Variants in NRK observed in about 807,000 individuals in gnomAD.
The protein encoded by NRK is Nik related kinase.
A neutral mutation model predicts 125.2 loss-of-function variants in NRK; 67 were observed. The ratio of observed to expected loss-of-function variants is 0.54; its 90% confidence interval spans 0.44 to 0.66. The LOEUF is 0.66. Ranked by LOEUF, NRK falls within the 30% of genes least tolerant of loss-of-function variation. The pLI is 0.00. For missense variants in NRK, 1,224 were observed against 1,192.9 expected, an observed-to-expected ratio of 1.03 and a Z score of -0.38; for synonymous variants, 458 against 429.0, an observed-to-expected ratio of 1.07 and a Z score of -0.84.
intron 24 of NRK, among the ~76,000 whole-genome samples, chrX:105,944,358 T>A (rs900066006): frequency 9.0e-6 from 1 of 111,418 alleles, no homozygotes; most frequent in African/African-American, 3.3e-5. Context: ...ACCTGGTTAA[T>A]TTTTTAATAT....
intron 2 of NRK, among the ~76,000 whole-genome samples, chrX:105,858,962 A>G (rs1458511418): frequency 9.0e-6 from 1 of 111,057 alleles, no homozygotes; most frequent in Admixed American, 9.6e-5. Context: ...ACTTTCTTTA[A>G]TTTCTGGGGA....
chrX:105,858,280 T>A, intron 2 of NRK, among the ~76,000 whole-genome samples: 1 of 110,538 alleles, frequency 9.0e-6, no homozygotes, highest in South Asian at 3.9e-4. Context: ...TGACTGCATG[T>A]GTTTGTCAAA....
chrX:105,846,437 A>C, intron 2 of NRK, among the ~76,000 whole-genome samples: 1 of 111,700 alleles, frequency 9.0e-6, no homozygotes, highest in Middle Eastern at 4.6e-3. Flanking sequence ...CCCTGCTCTT[A>C]ATTCTGTTAA....
At position 105,923,891 on chromosome X, in the gene NRK, CTATATA is replaced by C. The variant is rs1204761152; in HGVS notation, c.2975+439_2975+444del. On this transcript the variant is annotated intron_variant, in intron 18 of 28. Transcript: ENST00000243300. ...CATTTCTCAAACTTTTGTGATATCA[CTATATA>C]TATATATATATATATATATATATAT... Among the ~76,000 whole-genome samples, 371 of 47,833 alleles carry C rather than the reference CTATATA, an allele frequency of 7.8e-3. 5 individuals are homozygous for C. Among genetic ancestry groups the C allele is most frequent in the African/African-American group, 0.026 (322 of 12,527 alleles). The allele number at this position is 47,833 out of a possible 115,157, so 41.5% of individuals were successfully genotyped here. A position where few individuals can be genotyped will look rare whatever the true frequency, so the allele number is the denominator to read the frequency against.
rs2040244008 is a variant in NRK, at chrX:105,908,225, C to G, written c.1022-15C>G. ...GACTGTTTATGCATTATGTTTTTCT[C>G]TTTTGTAAAAAAAGGAATACCTTTG... On this transcript the variant is annotated splice_polypyrimidine_tract_variant and intron_variant, in intron 11 of 28. Coordinates refer to ENST00000243300, the MANE Select transcript of NRK (RefSeq NM_198465.4). The G allele has an allele frequency of 2.0e-6, 2 of 1,013,638 alleles. No homozygotes were observed. Among genetic ancestry groups the G allele is most frequent in the Non-Finnish European group, 2.7e-6 (2 of 745,117 alleles). The allele number at this position is 1,013,638 out of a possible 1,213,427, so 83.5% of individuals were successfully genotyped here.
intron 14 of NRK, among the ~76,000 whole-genome samples, chrX:105,913,960 G>A (rs2040334019): frequency 1.8e-5 from 2 of 110,568 alleles, no homozygotes; most frequent in African/African-American, 6.6e-5. Context: ...TGGTGAGGCC[G>A]GAGTTGTAGG....
Position 105,940,039 on chromosome X carries a change from C to G in NRK, c.3958+7C>G. 8.7e-7 allele frequency: 1 copy of G among 1,143,875 alleles called. No individual in the cohort carries two copies. Among genetic ancestry groups the G allele is most frequent in the African/African-American group, 1.8e-5 (1 of 56,104 alleles). The allele number at this position is 1,143,875 out of a possible 1,213,427, so 94.3% of individuals were successfully genotyped here. A position where few individuals can be genotyped will look rare whatever the true frequency, so the allele number is the denominator to read the frequency against. ...TGTGAACACTTCAGTGTCCGTAAGC[C>G]ACATTTCATGTTTACTACAGCTATA... On this transcript the variant is annotated splice_region_variant and intron_variant, in intron 23 of 28. Transcript: ENST00000243300.
intron 2 of NRK, among the ~76,000 whole-genome samples, chrX:105,865,492 T>C (rs2039656979): frequency 1.8e-5 from 2 of 111,066 alleles, no homozygotes; most frequent in African/African-American, 3.3e-5. Flanking sequence ...TTCCCAGGTG[T>C]GGGCTTAGAG....
chrX:105,913,772 A>C (rs1192069753), intron 14 of NRK, among the ~76,000 whole-genome samples: 6 of 111,596 alleles, frequency 5.4e-5, no homozygotes, highest in Non-Finnish European at 1.1e-4. Flanking sequence ...ACAAACACAA[A>C]TATTTTTCCT....
At chrX:105,895,215 G>T (rs1414905471) in intron 6 of NRK, 3 of 513,247 alleles carry the variant, frequency 5.8e-6, no homozygotes, top group South Asian at 2.5e-5. Context: ...TGGGTGTCCT[G>T]ATTTATTTTC....
rs750421352 is a variant in NRK, at chrX:105,922,093, T to C, written c.2610+32T>C. The C allele has an allele frequency of 1.2e-5, 8 of 677,323 alleles. No homozygotes were observed. The South Asian group carries it at 1.9e-4, about 16-fold the overall frequency. The allele number at this position is 677,323 out of a possible 1,213,427, so 55.8% of individuals were successfully genotyped here. On this transcript the variant is annotated intron_variant, in intron 17 of 28. Coordinates refer to ENST00000243300, the MANE Select transcript of NRK (RefSeq NM_198465.4). Reference sequence around the variant, plus strand: ...TTCCATCTTAACACATTAATGTCTATTATTTTTTATTTTCCATTTATTTTG... The same window carrying C: ...TTCCATCTTAACACATTAATGTCTACTATTTTTTATTTTCCATTTATTTTG...
At chrX:105,831,307 C>A (rs993256844) in intron 2 of NRK, among the ~76,000 whole-genome samples, 188 bp downstream of exon 2, 36 of 111,837 alleles carry the variant, frequency 3.2e-4, no homozygotes, top group African/African-American at 1.1e-3. Context: ...ATTGGCTAAT[C>A]TATAGTGTAC....
chrX:105,881,344 C>G lies in NRK; in HGVS notation c.181-364C>G, dbSNP rs1444602709. Reference sequence around the variant, plus strand: ...TATTTTCTTGTTTTAACTTAAGAGACCTTGACATACTTTTAACCTACATTT... The same window carrying G: ...TATTTTCTTGTTTTAACTTAAGAGAGCTTGACATACTTTTAACCTACATTT... On this transcript the variant is annotated intron_variant, in intron 3 of 28. Transcript: ENST00000243300. Among the ~76,000 whole-genome samples the G allele has an allele frequency of 5.4e-5, 6 of 111,206 alleles. No individual in the cohort carries two copies. In the East Asian group the frequency reaches 1.7e-3, roughly 31 times the overall value.
Position 105,893,822 on chromosome X carries a change from T to A in NRK, c.379-10T>A, listed in dbSNP as rs753154320. 8.9e-7 allele frequency: 1 copy of A among 1,122,449 alleles called. No homozygotes were observed. The highest frequency in any genetic ancestry group is 1.9e-5 in the South Asian group (1 of 53,820). 92.5% of individuals were successfully genotyped at this position (1,122,449 alleles called of 1,213,427 possible). ...CACTAATTTTTTATACTTTGCTGGC[T>A]TTCCTGCAGATGGTGATGGAGTTAT... On this transcript the variant is annotated splice_polypyrimidine_tract_variant and intron_variant, in intron 5 of 28. Coordinates refer to ENST00000243300, the MANE Select transcript of NRK (RefSeq NM_198465.4).
In NRK at chrX:105,924,877, A is replaced by G. The variant is rs754400354; in HGVS notation, c.3158A>G (p.Glu1053Gly). 5.0e-6 allele frequency: 6 copies of G among 1,211,125 alleles called. No homozygotes were observed. The highest frequency in any genetic ancestry group is 6.7e-6 in the Non-Finnish European group (6 of 895,074). The change falls in exon 19 of 29, where the codon GAA (glutamate) becomes GGA (glycine). Residue 1053 changes from glutamate to glycine, a missense_variant. Glu to Gly is a moderately conservative substitution (Grantham distance 98, BLOSUM62 -2). Transcript: ENST00000243300. ...GAACATGCAGCCAATATAGGCAGTG[A>G]AAGAAGAGGCAGTGAGGGTGATGGA... is the stretch of plus-strand genomic sequence containing the variant. Reference protein sequence around the residue: ...QEEHAANIGSERRGSEGDGGK... With the variant: ...QEEHAANIGSGRRGSEGDGGK...
chrX:105,912,739 A>G lies in NRK; in HGVS notation c.2333A>G (p.Asn778Ser). Reference sequence around the variant, plus strand: ...GAGCCATTGAAGCCATACATTTCAAATCCTAAAAAAATTGAGGTAAATTTT... The same window carrying G: ...GAGCCATTGAAGCCATACATTTCAAGTCCTAAAAAAATTGAGGTAAATTTT... ...QIEPLKPYIS[N>S]PKKIEVQERS... Residue 778 changes from asparagine (N) to serine (S), a missense_variant, in exon 14 of 29, where the codon AAT becomes AGT. By Grantham distance (46) the Asn-to-Ser change is conservative. Coordinates refer to ENST00000243300, the MANE Select transcript of NRK (RefSeq NM_198465.4). The G allele has an allele frequency of 2.8e-6, 3 of 1,067,257 alleles. No individual in the cohort carries two copies. The highest frequency in any genetic ancestry group is 3.8e-6 in the Non-Finnish European group (3 of 792,733). 88.0% of individuals were successfully genotyped at this position (1,067,257 alleles called of 1,213,427 possible). A position where few individuals can be genotyped will look rare whatever the true frequency, so the allele number is the denominator to read the frequency against.
At chrX:105,867,366 C>A (rs1460871104) in intron 2 of NRK, among the ~76,000 whole-genome samples, 3 of 111,191 alleles carry the variant, frequency 2.7e-5, no homozygotes, top group Non-Finnish European at 1.9e-5. Flanking sequence ...ACTGATTAGC[C>A]AGGGTGAACT....
At chrX:105,854,948 A>G (rs1300983720) in intron 2 of NRK, among the ~76,000 whole-genome samples, 1 of 112,198 alleles carries the variant, frequency 8.9e-6, no homozygotes, top group Non-Finnish European at 1.9e-5. Context: ...CTCACAGGAC[A>G]TAGTGCCTGG....
At chrX:105,884,003 T>C (rs761825327) in intron 4 of NRK, among the ~76,000 whole-genome samples, 12 of 112,816 alleles carry the variant, frequency 1.1e-4, no homozygotes, top group African/African-American at 3.8e-4. Context: ...ACAGGATTTT[T>C]ACCTTTCTAG....
Sources: gnomAD v4.1 joint callset for allele counts (sites outside exome capture counted in the v4.1 genomes callset) on GRCh38, gnomAD v4.1.1 for gene constraint, MANE v1.5 for transcripts, NCBI Gene and HGNC (gene_info 2026-07-23, HGNC 2026-07-21) for gene names.